The following FRMD4A variants were observed in gnomAD, a reference collection of about 807,000 sequenced individuals.
The protein encoded by FRMD4A is FERM domain-containing protein 4A.
A neutral mutation model predicts 129.1 loss-of-function variants in FRMD4A; 29 were observed. The ratio of observed to expected loss-of-function variants is 0.22; its 90% CI spans 0.17 to 0.31. FRMD4A has a LOEUF of 0.31. FRMD4A is among the 10% of genes least tolerant of loss of function. The pLI, the probability that FRMD4A is intolerant of heterozygous loss-of-function variation, is 1.00. For synonymous variants in FRMD4A, 634 were observed against 571.6 expected, an observed-to-expected ratio of 1.11 and a Z score of -1.56; for missense variants, 1,272 against 1,375.8, an observed-to-expected ratio of 0.92 and a Z score of 1.19.
intron 17 of FRMD4A, 64 bp downstream of exon 17, chr10:13,670,342 G>T (rs17153679): frequency 3.1e-5 from 48 of 1,546,600 alleles, no homozygotes; most frequent in Non-Finnish European, 3.9e-5. Flanking sequence ...AACCTGGAAG[G>T]CCTGACCAAT....
intron 2 of FRMD4A, among the ~76,000 whole-genome samples, chr10:14,318,389 G>C (rs1254393625): frequency 6.8e-6 from 1 of 147,902 alleles, no homozygotes; most frequent in Non-Finnish European, 1.5e-5. Context: ...TTAGTCCCAA[G>C]GCCAAGCATG....
chr10:13,931,135 T>C (rs2095190122), intron 2 of FRMD4A, among the ~76,000 whole-genome samples: 1 of 152,136 alleles, frequency 6.6e-6, no homozygotes, highest in South Asian at 2.1e-4. Context: ...TGATGTAAGG[T>C]GTTGAGCCAT....
intron 2 of FRMD4A, among the ~76,000 whole-genome samples, chr10:14,321,620 A>G (rs185926655): frequency 9.2e-5 from 14 of 152,298 alleles, no homozygotes; most frequent in Non-Finnish European, 1.3e-4. Context: ...TATCCTGTGT[A>G]AAATCAGGTA....
intron 2 of FRMD4A, among the ~76,000 whole-genome samples, chr10:14,303,923 A>G (rs919771095): frequency 2.6e-5 from 4 of 152,194 alleles, no homozygotes; most frequent in African/African-American, 9.6e-5. Flanking sequence ...CCCTAAGCAT[A>G]ATGTTGTTAA....
At chr10:13,670,004 G>A (rs1021266121) in intron 17 of FRMD4A, among the ~76,000 whole-genome samples, 1 of 152,196 alleles carries the variant, frequency 6.6e-6, no homozygotes, top group Non-Finnish European at 1.5e-5. Context: ...CCTTGCACCT[G>A]ATGCCGTGGC....
chr10:13,993,017 C>T (rs972317114), intron 2 of FRMD4A, among the ~76,000 whole-genome samples: 1 of 141,008 alleles, frequency 7.1e-6, no homozygotes, highest in African/African-American at 2.6e-5. Context: ...GACTAGCCAA[C>T]ATATCCATTG....
In FRMD4A at chr10:13,728,474, A is replaced by G. The variant is rs11258561; in HGVS notation, c.759+9370T>C. 0.011 allele frequency among the ~76,000 whole-genome samples: 1,610 copies of G among 151,644 alleles called. 69 individuals carry two copies. In the East Asian group the frequency reaches 0.12, roughly 11 times the overall value. On this transcript the variant is annotated intron_variant, in intron 12 of 24. Transcript: ENST00000357447. The stretch of plus-strand genomic sequence containing the variant: ...TCACCGAGTCTGACTTTCCCCCATG[A>G]ATACTCATATGGGGGCCATTTTATT...
intron 2 of FRMD4A, among the ~76,000 whole-genome samples, chr10:13,892,369 G>A (rs888073623): frequency 5.9e-5 from 9 of 152,024 alleles, no homozygotes; most frequent in African/African-American, 2.2e-4. Flanking sequence ...CAGGATAACC[G>A]AGGCATGTGG....
intron 24 of FRMD4A, among the ~76,000 whole-genome samples, chr10:13,650,897 G>A (rs939056427): frequency 1.3e-5 from 2 of 152,052 alleles, no homozygotes; most frequent in African/African-American, 2.4e-5. Flanking sequence ...CCGTGAACTC[G>A]AAAGTGACCC....
Position 14,063,772 on chromosome 10 carries a change from T to C in FRMD4A, c.46-204860A>G, listed in dbSNP as rs571465548. Among the ~76,000 whole-genome samples the C allele has an allele frequency of 3.3e-5, 5 of 152,272 alleles. No homozygotes were observed. In the South Asian group the frequency reaches 6.2e-4, roughly 19 times the overall value. ...GGATTTAGCTAACTCCCATCTGGTA[T>C]GCATTCTAAACTCCTTAGGATTTCT... is the stretch of plus-strand genomic sequence containing the variant. On this transcript the variant is annotated intron_variant, in intron 2 of 24. Transcript: ENST00000357447.
chr10:14,044,518 A>G (rs886406711), intron 2 of FRMD4A, among the ~76,000 whole-genome samples: 2 of 152,254 alleles, frequency 1.3e-5, no homozygotes, highest in African/African-American at 4.8e-5. Context: ...ATTTGGACAC[A>G]GACACATAGA....
intron 2 of FRMD4A, among the ~76,000 whole-genome samples, chr10:14,067,756 G>T (rs990833466): frequency 6.6e-6 from 1 of 152,192 alleles, no homozygotes; most frequent in African/African-American, 2.4e-5. Context: ...GGTGGAGGTT[G>T]CAGTGAGCAG....
intron 2 of FRMD4A, among the ~76,000 whole-genome samples, chr10:14,106,369 G>A (rs953969593): frequency 1.3e-5 from 2 of 152,262 alleles, no homozygotes; most frequent in East Asian, 1.9e-4. Flanking sequence ...ATTTAAGGGG[G>A]TTGGTTCTTT....
At chr10:14,290,432 T>C (rs11258995) in intron 2 of FRMD4A, among the ~76,000 whole-genome samples, 46,572 of 151,926 alleles carry the variant, frequency 0.31, 7,576 homozygotes, top group Middle Eastern at 0.37. Flanking sequence ...CATATTTATA[T>C]ACAGTCAACT....
chr10:14,130,380 C>T (rs897739685), intron 2 of FRMD4A, among the ~76,000 whole-genome samples: 1 of 152,172 alleles, frequency 6.6e-6, no homozygotes, highest in African/African-American at 2.4e-5. Flanking sequence ...CCCACCTCCA[C>T]CTCCCAAGTA....
At chr10:13,883,912 T>C (rs1322020782) in intron 2 of FRMD4A, among the ~76,000 whole-genome samples, 3 of 152,338 alleles carry the variant, frequency 2.0e-5, no homozygotes, top group Non-Finnish European at 4.4e-5. Context: ...GCTGCCTGTG[T>C]GTGCCTGTTT....
At chr10:13,667,847 C>G (rs1329163993) in intron 17 of FRMD4A, 1 of 152,222 alleles carries the variant, frequency 6.6e-6, no homozygotes, top group Non-Finnish European at 1.5e-5. Flanking sequence ...CTAGTAAACC[C>G]AGGACAAATG....
intron 2 of FRMD4A, among the ~76,000 whole-genome samples, chr10:14,185,516 G>T (rs184366917): frequency 5.4e-5 from 8 of 149,424 alleles, no homozygotes; most frequent in African/African-American, 9.7e-5. Flanking sequence ...TTTTTTGGAG[G>T]TTTGTTGTAG....
chr10:13,929,319 C>T (rs2095168649), intron 2 of FRMD4A, among the ~76,000 whole-genome samples: 1 of 152,190 alleles, frequency 6.6e-6, no homozygotes, highest in South Asian at 2.1e-4. Flanking sequence ...AGGCTGAGTC[C>T]TTGCTGAAGA....
Sources: allele counts gnomAD v4.1 joint callset (sites outside exome capture counted in the v4.1 genomes callset), GRCh38; gene constraint gnomAD v4.1.1; transcripts MANE v1.5; gene names NCBI Gene and HGNC (gene_info 2026-07-23, HGNC 2026-07-21).